The following SPAG9 variants were observed in gnomAD, a reference collection of about 807,000 sequenced individuals.
SPAG9 encodes C-Jun-amino-terminal kinase-interacting protein 4.
Under a neutral mutation model 166.5 loss-of-function variants are expected in SPAG9, and 35 were observed. The ratio of observed to expected loss-of-function variants is 0.21; its 90% CI spans 0.16 to 0.28. SPAG9 has a LOEUF of 0.28. Ranked by LOEUF, SPAG9 falls within the 10% of genes least tolerant of loss-of-function variation. The pLI is 1.00. For synonymous variants in SPAG9, 534 were observed against 565.5 expected (o/e 0.94, Z 0.79); for missense variants, 1,235 against 1,603.3 (o/e 0.77, Z 3.92).
intron 7 of SPAG9, among the ~76,000 whole-genome samples, chr17:51,020,952 A>T (rs1810324391): frequency 6.6e-6 from 1 of 152,226 alleles, no homozygotes; most frequent in African/African-American, 2.4e-5. Flanking sequence ...AAAAGTATGT[A>T]CATGTTTAGT....
intron 9 of SPAG9, among the ~76,000 whole-genome samples, chr17:51,008,814 T>C (rs962247847): frequency 6.6e-6 from 1 of 152,152 alleles, no homozygotes; most frequent in Non-Finnish European, 1.5e-5. Flanking sequence ...AAAATGATCT[T>C]CGGCAAGATA....
intron 2 of SPAG9, among the ~76,000 whole-genome samples, chr17:51,063,608 T>C (rs1054644390): frequency 6.6e-6 from 1 of 151,760 alleles, no homozygotes; most frequent in Non-Finnish European, 1.5e-5. Context: ...CCAGGGCCAG[T>C]TGTAGTGGCT....
rs1299470768 is a variant in SPAG9 at position 50,965,631 on chromosome 17, A to T, written c.*641T>A. 6.6e-6 allele frequency: 1 copy of T among 152,258 alleles called. No homozygotes were observed. The highest frequency in any genetic ancestry group is 1.5e-5 in the Non-Finnish European group (1 of 68,052). The allele number at this position is 152,258 out of a possible 1,614,324, so 9.4% of individuals were successfully genotyped here. On this transcript the variant is annotated 3_prime_UTR_variant, in exon 30 of 30. Transcript: ENST00000262013. ...AAACTTTAGAGCTCTAATAAGTCAG[A>T]AACAGGAAACGTTTATTTAAATAGT...
chr17:51,055,087 C>T (rs768413967), intron 3 of SPAG9, among the ~76,000 whole-genome samples: 13 of 152,240 alleles, frequency 8.5e-5, no homozygotes, highest in Non-Finnish European at 1.3e-4. Context: ...CTGGCTCACA[C>T]GTGTAATGCC....
intron 9 of SPAG9, chr17:51,007,727 A>T (rs1241654453): frequency 5.3e-6 from 2 of 379,808 alleles, no homozygotes; most frequent in East Asian, 1.4e-4. Flanking sequence ...ATTGTTTCTA[A>T]ATCACATCTG....
At chr17:50,970,885 T>G (rs1449665577) in intron 28 of SPAG9, 29 bp from the exon 29 acceptor site, 7 of 1,594,140 alleles carry the variant, frequency 4.4e-6, no homozygotes, top group Non-Finnish European at 4.3e-6. Context: ...AAAGTGAATA[T>G]TACTTATCAC....
At chr17:51,106,825 C>T (rs151235552) in intron 1 of SPAG9, among the ~76,000 whole-genome samples, 173 of 151,486 alleles carry the variant, frequency 1.1e-3, no homozygotes, top group Non-Finnish European at 1.8e-3. Context: ...TAAAAAAGTC[C>T]GGGTGCAGTG....
chr17:51,084,424 T>C lies in SPAG9; in HGVS notation c.304-4720A>G, dbSNP rs183147158. The stretch of plus-strand genomic sequence containing the variant: ...TTTTTTTGGAGATGGAGTCTTGCTC[T>C]GTCACCCAGGCTGGAGTGCAGTGGT... On this transcript the variant is annotated intron_variant, in intron 1 of 29. Transcript: ENST00000262013. Among the ~76,000 whole-genome samples the C allele has an allele frequency of 2.0e-3, 303 of 152,248 alleles. 2 individuals carry two copies. The highest frequency in any genetic ancestry group is 6.5e-3 in the African/African-American group (270 of 41,544).
intron 1 of SPAG9, among the ~76,000 whole-genome samples, chr17:51,081,132 A>G (rs2048151974): frequency 1.3e-5 from 2 of 152,078 alleles, no homozygotes; most frequent in South Asian, 2.1e-4. Context: ...GTGTGCCACA[A>G]TCATCTAATG....
Position 51,089,034 on chromosome 17 carries a change from G to A in SPAG9, c.304-9330C>T, listed in dbSNP as rs554885083. Among the ~76,000 whole-genome samples, 6 of 150,220 alleles carry A rather than the reference G, an allele frequency of 4.0e-5. No individual in the cohort carries two copies. In the South Asian group the frequency reaches 8.5e-4, roughly 21 times the overall value. On this transcript the variant is annotated intron_variant, in intron 1 of 29. Coordinates refer to ENST00000262013, the MANE Select transcript of SPAG9 (RefSeq NM_001130528.3). Reference sequence around the variant, plus strand: ...CTTGAACCTGGTAGGCAGGGGTTGCGGTGAGCGAGATTGCGCCACTGCACT... The same window carrying A: ...CTTGAACCTGGTAGGCAGGGGTTGCAGTGAGCGAGATTGCGCCACTGCACT...
At chr17:50,982,405 G>A (rs1198973080) in intron 25 of SPAG9, 119 bp downstream of exon 25, 16 of 847,280 alleles carry the variant, frequency 1.9e-5, no homozygotes, top group Non-Finnish European at 2.7e-5. Context: ...CATTACTCAA[G>A]TGCCCTAAAA....
chr17:51,040,104 G>A (rs1000393675), intron 5 of SPAG9, among the ~76,000 whole-genome samples: 2 of 151,894 alleles, frequency 1.3e-5, no homozygotes, highest in African/African-American at 4.8e-5. Context: ...GTGTGGTGGT[G>A]GGTGCTGTAA....
At chr17:51,008,066 A>G (rs1288652436) in intron 9 of SPAG9, among the ~76,000 whole-genome samples, 3 of 152,202 alleles carry the variant, frequency 2.0e-5, no homozygotes, top group African/African-American at 7.2e-5. Context: ...TATACCTAAA[A>G]AATGCTTTAC....
chr17:51,009,586 A>G (rs1031758627), intron 9 of SPAG9, among the ~76,000 whole-genome samples: 1 of 152,194 alleles, frequency 6.6e-6, no homozygotes, highest in African/African-American at 2.4e-5. Flanking sequence ...CTGTCCCACT[A>G]TAATATGTTG....
At chr17:51,070,553 A>G (rs905101544) in intron 2 of SPAG9, among the ~76,000 whole-genome samples, 8 of 152,224 alleles carry the variant, frequency 5.3e-5, no homozygotes, top group African/African-American at 1.9e-4. Context: ...AAAAATGACC[A>G]ACCAACCAAC....
At chr17:51,081,029 T>C (rs184842797) in intron 1 of SPAG9, among the ~76,000 whole-genome samples, 6 of 152,104 alleles carry the variant, frequency 3.9e-5, no homozygotes, top group Non-Finnish European at 8.8e-5. Context: ...CAGCTTTGAC[T>C]CTTCTGTTTC....
chr17:51,115,049 T>A (rs1167526068), intron 1 of SPAG9, among the ~76,000 whole-genome samples: 1 of 152,174 alleles, frequency 6.6e-6, no homozygotes, highest in Non-Finnish European at 1.5e-5. Context: ...GGTCCCATGT[T>A]CATACACTTC....
chr17:51,010,580 A>AT (rs1466337402), intron 9 of SPAG9, among the ~76,000 whole-genome samples: 2,707 of 140,022 alleles, frequency 0.019, 31 homozygotes, highest in African/African-American at 0.044. Context: ...AAAAAAAAAA[A>AT]AAATATATAT....
chr17:51,032,005 T>C (rs2046403129), intron 5 of SPAG9: 1 of 529,428 alleles, frequency 1.9e-6, no homozygotes, highest in Non-Finnish European at 3.6e-6. Flanking sequence ...TACACCACTT[T>C]ATGAAATCTT....
Sources: gnomAD v4.1 joint callset for allele counts (sites outside exome capture counted in the v4.1 genomes callset) on GRCh38, gnomAD v4.1.1 for gene constraint, MANE v1.5 for transcripts, NCBI Gene and HGNC (gene_info 2026-07-23, HGNC 2026-07-21) for gene names.